Variants in ERG observed in about 807,000 individuals in gnomAD.
ERG encodes the protein ETS transcription factor ERG.
A neutral mutation model predicts 55.3 loss-of-function variants in ERG; 9 were observed. The ratio of observed to expected loss-of-function variants is 0.16; its 90% CI spans 0.10 to 0.28. ERG has a LOEUF of 0.28. Among genes scored for constraint, ERG ranks in the 10% least tolerant of loss-of-function variants. The pLI is 1.00. For missense variants in ERG, 434 were observed against 631.6 expected (o/e 0.69, Z 3.35); for synonymous variants, 223 against 237.3 (o/e 0.94, Z 0.55).
intron 1 of ERG, among the ~76,000 whole-genome samples, chr21:38,455,386 A>AC (rs2146581088): frequency 6.6e-6 from 1 of 152,292 alleles, no homozygotes; most frequent in African/African-American, 2.4e-5. Context: ...CTTGAGAAAC[A>AC]CAAAGGCCAA....
chr21:38,599,970 T>A (rs2060154719), intron 1 of ERG, among the ~76,000 whole-genome samples: 1 of 152,130 alleles, frequency 6.6e-6, no homozygotes, highest in South Asian at 2.1e-4. Flanking sequence ...TAGGATAGTG[T>A]CAAAACCAAT....
Position 38,575,605 on chromosome 21 carries a change from T to C in ERG, c.-41+57A>G, listed in dbSNP as rs1268821238. 3.0e-6 allele frequency: 4 copies of C among 1,326,654 alleles called. No individual in the cohort carries two copies. The African/African-American group carries it at 4.3e-5, about 14-fold the overall frequency. 82.2% of individuals were successfully genotyped at this position (1,326,654 alleles called of 1,614,324 possible). ...TAACTGATATGTGGGCTGCTATCCA[T>C]GAAAACCTAGGCACAGAGGAAGGCA... On this transcript the variant is annotated intron_variant, in intron 2 of 8. Coordinates refer to the ERG transcript ENST00000398897.
intron 2 of ERG, among the ~76,000 whole-genome samples, chr21:38,512,789 A>G (rs889261510): frequency 2.0e-5 from 3 of 152,186 alleles, no homozygotes; most frequent in African/African-American, 7.2e-5. Flanking sequence ...AAAATAATTC[A>G]CATTATAATA....
intron 1 of ERG, among the ~76,000 whole-genome samples, chr21:38,646,125 T>TA (rs766761013): frequency 8.6e-5 from 13 of 151,592 alleles, no homozygotes; most frequent in African/African-American, 1.7e-4. Context: ...CTAAAAATAT[T>TA]AAAAAATCAG....
chr21:38,418,065 T>G (rs188150194), intron 3 of ERG, among the ~76,000 whole-genome samples: 1 of 152,344 alleles, frequency 6.6e-6, no homozygotes. Flanking sequence ...TAATCATTTC[T>G]ATCTTTCCTT....
chr21:38,580,147 G>T (rs988530160), intron 1 of ERG, among the ~76,000 whole-genome samples: 4 of 151,778 alleles, frequency 2.6e-5, no homozygotes, highest in Non-Finnish European at 5.9e-5. Context: ...GTAGAGACGG[G>T]GTTTCACCGT....
At chr21:38,561,805 G>C (rs9979538) in intron 2 of ERG, among the ~76,000 whole-genome samples, 1 of 152,100 alleles carries the variant, frequency 6.6e-6, no homozygotes, top group Non-Finnish European at 1.5e-5. Context: ...GCATACAGCA[G>C]AGTTAATGTT....
chr21:38,592,845 T>C (rs2060109152), intron 1 of ERG, among the ~76,000 whole-genome samples: 1 of 152,220 alleles, frequency 6.6e-6, no homozygotes, highest in Non-Finnish European at 1.5e-5. Context: ...CAGTCTTATT[T>C]CATTTGGTTG....
At chr21:38,548,938 G>A (rs978638383) in intron 2 of ERG, among the ~76,000 whole-genome samples, 11 of 150,770 alleles carry the variant, frequency 7.3e-5, no homozygotes, top group African/African-American at 2.4e-4. Flanking sequence ...GTGAAACCCC[G>A]CCTCTACTAA....
intron 1 of ERG, among the ~76,000 whole-genome samples, chr21:38,605,609 G>T (rs2060191754): frequency 6.6e-6 from 1 of 152,128 alleles, no homozygotes. Context: ...TAGGGATTTG[G>T]GTCACAAGTG....
intron 1 of ERG, among the ~76,000 whole-genome samples, chr21:38,647,925 T>C (rs997104850): frequency 1.3e-5 from 2 of 152,228 alleles, no homozygotes; most frequent in African/African-American, 4.8e-5. Context: ...CTGACACAGA[T>C]GAAGCAGATG....
chr21:38,619,491 C>T (rs2060277603), intron 1 of ERG, among the ~76,000 whole-genome samples: 1 of 152,258 alleles, frequency 6.6e-6, no homozygotes, highest in South Asian at 2.1e-4. Context: ...AAAACTGTGG[C>T]CCTTAGTCAT....
Position 38,424,181 on chromosome 21 carries a change from G to GCGCTCTCTCTCTCTCT in ERG, c.237-621_237-620insAGAGAGAGAGAGAGCG, listed in dbSNP as rs1555896858. ...CTTATTAGAAAAGAAAGAGACCAGA[G>GCGCTCTCTCTCTCTCT]CTCGAGCTCTCTCTCTCTCTCTCTC... On this transcript the variant is annotated intron_variant, in intron 2 of 9. Coordinates refer to ENST00000288319, the MANE Select transcript of ERG (RefSeq NM_182918.4). 1.8e-4 allele frequency among the ~76,000 whole-genome samples: 16 copies of GCGCTCTCTCTCTCTCT among 87,998 alleles called. 1 individual carries two copies. The highest frequency in any genetic ancestry group is 6.1e-4 in the African/African-American group (14 of 22,986). The allele number at this position is 87,998 out of a possible 152,430, so 57.7% of individuals were successfully genotyped here. A position where few individuals can be genotyped will look rare whatever the true frequency, so the allele number is the denominator to read the frequency against.
chr21:38,567,780 G>T (rs545562533), intron 2 of ERG, among the ~76,000 whole-genome samples: 10 of 152,300 alleles, frequency 6.6e-5, no homozygotes, highest in African/African-American at 1.4e-4. Flanking sequence ...CACCAGCCCC[G>T]AGACATCGCC....
rs139076001 is a variant in ERG, at chr21:38,649,579, C to G, written c.-150+12079G>C. 6.9e-3 allele frequency among the ~76,000 whole-genome samples: 1,045 copies of G among 152,272 alleles called. 7 individuals are homozygous for G. Among genetic ancestry groups the G allele is most frequent in the Middle Eastern group, 0.024 (7 of 294 alleles). ...AACCTCAAGTGAATTATTTAAGAAG[C>G]CTTAATGTGCTTCAGACTGCTCAAA... On this transcript the variant is annotated intron_variant, in intron 1 of 10. Transcript: ENST00000398910.
intron 1 of ERG, among the ~76,000 whole-genome samples, chr21:38,640,751 A>AAAT (rs1480044297): frequency 6.6e-6 from 1 of 152,146 alleles, no homozygotes; most frequent in Non-Finnish European, 1.5e-5. Flanking sequence ...AGCGGTGTGA[A>AAAT]AATGGACTAA....
At chr21:38,626,134 C>T (rs1340765924) in intron 1 of ERG, among the ~76,000 whole-genome samples, 7 of 152,022 alleles carry the variant, frequency 4.6e-5, no homozygotes, top group African/African-American at 1.7e-4. Context: ...GTTGGCCAGG[C>T]TGGTCTCAAA....
chr21:38,472,846 T>C (rs936586071), intron 1 of ERG, among the ~76,000 whole-genome samples: 1 of 152,362 alleles, frequency 6.6e-6, no homozygotes, highest in Middle Eastern at 3.4e-3. Context: ...TCTTGTCGTT[T>C]GTCTGCCCTG....
intron 8 of ERG, 54 bp downstream of exon 8, chr21:38,391,605 G>T (rs1987975289): frequency 7.2e-7 from 1 of 1,383,398 alleles, no homozygotes; most frequent in Non-Finnish European, 1.0e-6. Context: ...TTAGAAATGT[G>T]CTGCTGAGCC....
Sources: gnomAD v4.1 joint callset for allele counts (sites outside exome capture counted in the v4.1 genomes callset) on GRCh38, gnomAD v4.1.1 for gene constraint, MANE v1.5 for transcripts, NCBI Gene and HGNC (gene_info 2026-07-23, HGNC 2026-07-21) for gene names.